Variants in PIWIL1 observed in about 807,000 individuals in gnomAD.
PIWIL1 encodes the protein piwi like RNA-mediated gene silencing 1, also known as piwi-like protein 1.
Under a neutral mutation model 114.4 loss-of-function variants are expected in PIWIL1, and 73 were observed. The observed-to-expected ratio is 0.64, with a 90% CI of 0.53 to 0.78. PIWIL1 has a LOEUF of 0.78. Among genes scored for constraint, PIWIL1 ranks in the 30% least tolerant of loss-of-function variants. The probability of loss-of-function intolerance (pLI) is 0.00; values close to 1 mark genes in which losing one functional copy is unlikely to be tolerated. For synonymous variants in PIWIL1, 375 were observed against 369.0 expected (o/e 1.02, Z -0.19); for missense variants, 723 against 1,063.1 (o/e 0.68, Z 4.45).
Position 130,345,892 on chromosome 12 carries a change from G to A in PIWIL1, c.316+14G>A, listed in dbSNP as rs780208381. On this transcript the variant is annotated intron_variant, in intron 4 of 20. Coordinates refer to ENST00000245255, the MANE Select transcript of PIWIL1 (RefSeq NM_004764.5). ...AATCAAAAACAGGTAGGTTAATTAA[G>A]AATAAGTTTTGTGAGATTACATCTC... is the stretch of plus-strand genomic sequence containing the variant. 1.9e-6 allele frequency: 3 copies of A among 1,612,390 alleles called. No individual in the cohort carries two copies. The highest frequency in any genetic ancestry group is 1.1e-5 in the South Asian group (1 of 90,512).
chr12:130,412,855 G>T, the PIWIL1 span: 1 of 1,404,716 alleles, frequency 7.1e-7, no homozygotes, highest in South Asian at 1.4e-5. Flanking sequence ...TAGTCCCACT[G>T]ACGGTAAGTG....
chr12:130,339,933 C>G (rs1332540806), intron 1 of PIWIL1, among the ~76,000 whole-genome samples: 1 of 152,174 alleles, frequency 6.6e-6, no homozygotes, highest in African/African-American at 2.4e-5. Flanking sequence ...TTCAGCTTGT[C>G]ACTGTTTTTT....
At chr12:130,417,967 A>G in the PIWIL1 span, among the ~76,000 whole-genome samples, 20 of 152,148 alleles carry the variant, frequency 1.3e-4, no homozygotes, top group South Asian at 4.1e-4. Context: ...CTGGCAGCAG[A>G]GAGAGCAGCA....
At chr12:130,407,445 T>C in the PIWIL1 span, among the ~76,000 whole-genome samples, 9 of 152,192 alleles carry the variant, frequency 5.9e-5, no homozygotes, top group African/African-American at 1.9e-4. Context: ...GGCATCACCA[T>C]TAGATGTGGA....
rs1225637219 is a variant in PIWIL1, at chr12:130,367,146, G to A, written c.2209G>A (p.Val737Ile). 2 of 1,614,112 alleles carry A rather than the reference G, an allele frequency of 1.2e-6. No homozygotes were observed. The highest frequency in any genetic ancestry group is 3.3e-5 in the Admixed American group (2 of 60,016). The change falls in exon 19 of 21, where the codon GTA becomes ATA. Residue 737 changes from valine to isoleucine, a missense_variant. Val to Ile is a conservative substitution (Grantham distance 29, BLOSUM62 3). This residue lies in a region of PIWIL1 where 106 missense variants were observed against 182.8 expected (regional missense o/e 0.58). Coordinates refer to ENST00000245255, the MANE Select transcript of PIWIL1 (RefSeq NM_004764.5). Reference protein sequence around the residue: ...IGRGYNPRLTVIVVKKRVNTR... With the variant: ...IGRGYNPRLTIIVVKKRVNTR... ...ATCATTTTTAAGCCCTAGACTAACG[G>A]TAATTGTGGTGAAGAAAAGAGTGAA...
chr12:130,375,089 C>T (rs1310906572), downstream of PIWIL1, among the ~76,000 whole-genome samples: 2 of 152,036 alleles, frequency 1.3e-5, no homozygotes, highest in African/African-American at 4.8e-5. Context: ...TCATGTCAGC[C>T]GCTCCCCCTC....
At chr12:130,389,531 A>G in the PIWIL1 span, among the ~76,000 whole-genome samples, 2 of 151,964 alleles carry the variant, frequency 1.3e-5, no homozygotes, top group Non-Finnish European at 2.9e-5. Flanking sequence ...TTTTCCAGGC[A>G]TTTGTCTATT....
chr12:130,403,251 C>A, the PIWIL1 span, among the ~76,000 whole-genome samples: 1 of 152,158 alleles, frequency 6.6e-6, no homozygotes, highest in Non-Finnish European at 1.5e-5. Context: ...ACTGGGCAGT[C>A]CGCTCAGTGA....
chr12:130,353,941 AG>A (rs1415561588), intron 9 of PIWIL1, among the ~76,000 whole-genome samples: 1 of 151,982 alleles, frequency 6.6e-6, no homozygotes, highest in Non-Finnish European at 1.5e-5. Flanking sequence ...AAAAAAAAAA[AG>A]AATGTCATTT....
the PIWIL1 span, chr12:130,383,870 C>T: frequency 6.6e-6 from 1 of 152,206 alleles, no homozygotes; most frequent in East Asian, 1.9e-4. Flanking sequence ...TCTGCAGAAA[C>T]AGCATTCTTT....
intron 14 of PIWIL1, among the ~76,000 whole-genome samples, chr12:130,358,416 C>T (rs559633676): frequency 6.6e-5 from 10 of 152,282 alleles, no homozygotes; most frequent in Admixed American, 2.0e-4. Context: ...CATCCCGGCT[C>T]AGCCATTTGC....
rs1427760281 is a variant in PIWIL1 at position 130,357,106 on chromosome 12, G to A, written c.1592+1G>A. Reference sequence around the variant, plus strand: ...GCATGCAAATGAGAAAAGCAATAATGTAAGTTAATCAAGTCATTTCTGCTC... The same window carrying A: ...GCATGCAAATGAGAAAAGCAATAATATAAGTTAATCAAGTCATTTCTGCTC... On this transcript the variant is annotated splice_donor_variant, in intron 13 of 20. Transcript: ENST00000245255. LOFTEE classifies it high-confidence loss of function. 6.2e-7 allele frequency: 1 copy of A among 1,605,448 alleles called. No homozygotes were observed. Among genetic ancestry groups the A allele is most frequent in the Admixed American group, 1.7e-5 (1 of 59,716 alleles).
chr12:130,349,895 G>A lies in PIWIL1; in HGVS notation c.972G>A (p.Trp324Ter). 1 of 1,612,894 alleles carries A rather than the reference G, an allele frequency of 6.2e-7. No homozygotes were observed. Among genetic ancestry groups the A allele is most frequent in the South Asian group, 1.1e-5 (1 of 90,988 alleles). ...CATACAGAGTGGATGATATTGACTG[G>A]GACCAGAATCCCAAGAGCACCTTTA... ...NKTYRVDDID[W>*]DQNPKSTFKK... Residue 324 changes from tryptophan to a stop codon, truncating the protein, a stop_gained, in exon 9 of 21, where the codon TGG (tryptophan) becomes TGA (stop). Coordinates refer to ENST00000245255, the MANE Select transcript of PIWIL1 (RefSeq NM_004764.5). LOFTEE classifies it high-confidence loss of function.
intron 18 of PIWIL1, among the ~76,000 whole-genome samples, chr12:130,363,626 T>TTTTG (rs2073575201): frequency 7.2e-6 from 1 of 138,218 alleles, no homozygotes; most frequent in African/African-American, 2.7e-5. Flanking sequence ...TTTTTTTTTT[T>TTTTG]TTTTTTTTTG....
the PIWIL1 span, chr12:130,412,526 T>C: frequency 3.3e-5 from 38 of 1,161,644 alleles, no homozygotes; most frequent in South Asian, 3.8e-4. Flanking sequence ...ATGATGCAAT[T>C]TGGGGTCTCC....
chr12:130,380,947 A>C, the PIWIL1 span, among the ~76,000 whole-genome samples: 1 of 152,058 alleles, frequency 6.6e-6, no homozygotes, highest in Non-Finnish European at 1.5e-5. Flanking sequence ...TTTTTACTAG[A>C]CTTTATTTTT....
the PIWIL1 span, chr12:130,399,182 A>G: frequency 1.5e-6 from 2 of 1,319,924 alleles, no homozygotes; most frequent in Non-Finnish European, 2.0e-6. Context: ...GCAGATGAGC[A>G]AAGAAATAAA....
Position 130,342,793 on chromosome 12 carries a change from C to G in PIWIL1, c.78+124C>G, listed in dbSNP as rs984218792. On this transcript the variant is annotated intron_variant, in intron 2 of 20. Coordinates refer to ENST00000245255, the MANE Select transcript of PIWIL1 (RefSeq NM_004764.5). The stretch of plus-strand genomic sequence containing the variant: ...GGAAGTGAGCAAGGGAGATCATGCC[C>G]TGTTTCCTCAGGATATTAGAAGCTG... 1.3e-5 allele frequency: 10 copies of G among 794,068 alleles called. No individual in the cohort carries two copies. In the Admixed American group the frequency reaches 2.3e-4, roughly 18 times the overall value. The allele number at this position is 794,068 out of a possible 1,614,324, so 49.2% of individuals were successfully genotyped here. A position where few individuals can be genotyped will look rare whatever the true frequency, so the allele number is the denominator to read the frequency against.
At chr12:130,417,782 ACATATG>A in the PIWIL1 span, among the ~76,000 whole-genome samples, 1 of 152,246 alleles carries the variant, frequency 6.6e-6, no homozygotes, top group Non-Finnish European at 1.5e-5. Flanking sequence ...AAATCCTAAT[ACATATG>A]CATATATATA....
Sources: gnomAD v4.1 joint callset for allele counts (sites outside exome capture counted in the v4.1 genomes callset) on GRCh38, gnomAD v4.1.1 for gene constraint, gnomAD v4.1.1 regional missense constraint, MANE v1.5 for transcripts, NCBI Gene and HGNC (gene_info 2026-07-23, HGNC 2026-07-21) for gene names.